PLEKHG1: variants seen among roughly 807,000 people sequenced by gnomAD.
PLEKHG1 encodes the protein pleckstrin homology and RhoGEF domain containing G1, also known as pleckstrin homology domain-containing family G member 1.
PLEKHG1 carries 44 observed loss-of-function variants against 100.8 expected under a neutral mutation model. That is an observed-to-expected ratio of 0.44 (90% CI 0.34 to 0.56). The LOEUF is 0.56. Among genes scored for constraint, PLEKHG1 ranks in the 20% least tolerant of loss-of-function variants. The pLI, the probability that PLEKHG1 is intolerant of heterozygous loss-of-function variation, is 0.01. For missense variants in PLEKHG1, 1,545 were observed against 1,720.9 expected, an observed-to-expected ratio of 0.90 and a Z score of 1.81; for synonymous variants, 640 against 662.5, an observed-to-expected ratio of 0.97 and a Z score of 0.52.
exon 16 of PLEKHG1, chr6:150,840,772 C>T: frequency 6.2e-7 from 1 of 1,614,128 alleles, no homozygotes; most frequent in Non-Finnish European, 8.5e-7. Context: ...CCATATCTGA[C>T]ACCATATAAT....
At chr6:150,677,295 C>CAA (rs1286921774) in intron 3 of PLEKHG1, among the ~76,000 whole-genome samples, 3 of 151,776 alleles carry the variant, frequency 2.0e-5, no homozygotes, top group Non-Finnish European at 4.4e-5. Flanking sequence ...TACACACACA[C>CAA]ACACACACGC....
intron 7 of PLEKHG1, among the ~76,000 whole-genome samples, chr6:150,807,968 CAAAAA>C (rs747824320): frequency 6.0e-4 from 90 of 151,018 alleles, no homozygotes; most frequent in African/African-American, 2.1e-3. Flanking sequence ...GACTCTGTCT[CAAAAA>C]AGAAAAAAGA....
intron 1 of PLEKHG1, among the ~76,000 whole-genome samples, chr6:150,628,873 A>T (rs1468681701): frequency 6.6e-6 from 1 of 152,218 alleles, no homozygotes; most frequent in Non-Finnish European, 1.5e-5. Flanking sequence ...ACATGCAAAG[A>T]TAATGAGGCT....
intron 4 of PLEKHG1, among the ~76,000 whole-genome samples, chr6:150,794,204 GAA>G (rs1467715144): frequency 6.6e-6 from 1 of 152,164 alleles, no homozygotes; most frequent in African/African-American, 2.4e-5. Flanking sequence ...ACTTAAAGAT[GAA>G]AAGAGACTAC....
chr6:150,766,637 T>C (rs763580822), intron 2 of PLEKHG1, among the ~76,000 whole-genome samples: 92 of 152,244 alleles, frequency 6.0e-4, no homozygotes, highest in Non-Finnish European at 6.5e-4. Flanking sequence ...TTTTAAAATT[T>C]AGTTTCTCTG....
chr6:150,838,979 G>A (rs1777373562), intron 15 of PLEKHG1, among the ~76,000 whole-genome samples: 1 of 152,156 alleles, frequency 6.6e-6, no homozygotes. Flanking sequence ...TGGCAGTGGA[G>A]GGCTGCCTGG....
intron 10 of PLEKHG1, among the ~76,000 whole-genome samples, chr6:150,811,802 G>A (rs777007692): frequency 1.2e-4 from 19 of 152,122 alleles, no homozygotes; most frequent in African/African-American, 1.9e-4. Flanking sequence ...ATCTGGACGC[G>A]TTCACACTGG....
rs369996098 is a variant in PLEKHG1, at chr6:150,619,149, A to AATTCAAATT, written c.-203-18931_-203-18930insATTCAAATT. Among the ~76,000 whole-genome samples, 791 of 152,320 alleles carry AATTCAAATT rather than the reference A, an allele frequency of 5.2e-3. 12 individuals carry two copies. Among genetic ancestry groups the AATTCAAATT allele is most frequent in the African/African-American group, 0.018 (754 of 41,576 alleles). On this transcript the variant is annotated intron_variant, in intron 1 of 3. Transcript: ENST00000367326. ...ACAGATCCTGGACAATTTGACTCAA[A>AATTCAAATT]TGATGGCCCTTTCTCAAAATTCAAC...
At chr6:150,620,487 G>T (rs1306935562) in intron 1 of PLEKHG1, among the ~76,000 whole-genome samples, 2 of 152,190 alleles carry the variant, frequency 1.3e-5, no homozygotes, top group African/African-American at 4.8e-5. Context: ...GAGGGGAAGG[G>T]CTCTATGTAA....
exon 16 of PLEKHG1, chr6:150,840,251 C>T (rs752528882): frequency 2.5e-6 from 4 of 1,614,028 alleles, no homozygotes; most frequent in Non-Finnish European, 2.5e-6. Context: ...GGAAAGGGAT[C>T]AGCGCTAAAT....
chr6:150,714,380 A>G (rs947031291), intron 3 of PLEKHG1, among the ~76,000 whole-genome samples: 2 of 152,250 alleles, frequency 1.3e-5, no homozygotes, highest in Admixed American at 6.5e-5. Flanking sequence ...TCACAGAAGC[A>G]GAAAAATGAA....
intron 3 of PLEKHG1, among the ~76,000 whole-genome samples, chr6:150,781,599 G>A (rs1456567857): frequency 6.6e-6 from 1 of 151,886 alleles, no homozygotes; most frequent in East Asian, 1.9e-4. Flanking sequence ...GCAGAGAGCT[G>A]AACTTTTTTT....
At chr6:150,701,466 T>TATATATATAAAA (rs1212311635) in intron 3 of PLEKHG1, among the ~76,000 whole-genome samples, 8 of 84,198 alleles carry the variant, frequency 9.5e-5, no homozygotes, top group African/African-American at 9.3e-4. Context: ...TATATATATA[T>TATATATATAAAA]AATTATACTT....
chr6:150,706,998 C>CTTTTTTTTTTTTTTTTTTTTT (rs71014517), intron 3 of PLEKHG1, among the ~76,000 whole-genome samples: 2 of 51,932 alleles, frequency 3.9e-5, no homozygotes, highest in African/African-American at 1.6e-4. Context: ...TTTTCTTTTT[C>CTTTTTTTTTTTTTTTTTTTTT]TTTTTTTTTT....
rs564793811 is a variant in PLEKHG1, at chr6:150,613,070, T to C, written c.-204+13053T>C. ...CTGTCTTGCTCTTTCTGATCTCATC[T>C]CCTGCTCCTCTCCTGATACTCACTC... On this transcript the variant is annotated intron_variant, in intron 1 of 3. Transcript: ENST00000367326. Among the ~76,000 whole-genome samples, 4 of 152,296 alleles carry C rather than the reference T, an allele frequency of 2.6e-5. No homozygotes were observed. The South Asian group carries it at 8.3e-4, about 32-fold the overall frequency.
chr6:150,688,617 G>A (rs1206722139), intron 3 of PLEKHG1, among the ~76,000 whole-genome samples: 1 of 152,142 alleles, frequency 6.6e-6, no homozygotes, highest in Non-Finnish European at 1.5e-5. Flanking sequence ...ACAGCCATAA[G>A]CCACCAAGCC....
In PLEKHG1 at chr6:150,739,013, G is replaced by A. The variant is rs115131262; in HGVS notation, c.411+4921G>A. Among the ~76,000 whole-genome samples the A allele has an allele frequency of 6.7e-3, 1,021 of 152,290 alleles. 16 individuals carry two copies. The highest frequency in any genetic ancestry group is 0.023 in the African/African-American group (955 of 41,558). ...GGGACCTTCGATTGACTGGGCACGGGCTGTCAGGGGTAGGGTGGGTGTCTT... is the reference window on the plus strand; with the variant it reads ...GGGACCTTCGATTGACTGGGCACGGACTGTCAGGGGTAGGGTGGGTGTCTT... On this transcript the variant is annotated intron_variant, in intron 2 of 15. Coordinates refer to ENST00000358517, the Ensembl canonical transcript of PLEKHG1.
chr6:150,600,268 C>T lies in PLEKHG1; in HGVS notation c.-204+251C>T, dbSNP rs907906131. The stretch of plus-strand genomic sequence containing the variant: ...GAGGGCGCTGGGGGGCGCCGCGTCT[C>T]GGGGGTCGGAGTCGGGTCGGGGATG... On this transcript the variant is annotated intron_variant, in intron 1 of 3. Transcript: ENST00000367326. This position sits in a 1 kb window ranked among gnomAD's most constrained non-coding sequence, Gnocchi z 6.2. 2.0e-5 allele frequency among the ~76,000 whole-genome samples: 3 copies of T among 151,030 alleles called. No individual in the cohort carries two copies. The highest frequency in any genetic ancestry group is 4.9e-5 in the African/African-American group (2 of 41,112).
At chr6:150,716,157 A>G (rs1459609200), upstream of PLEKHG1, among the ~76,000 whole-genome samples, 3 of 151,818 alleles carry the variant, frequency 2.0e-5, no homozygotes, top group African/African-American at 7.2e-5. Flanking sequence ...TTGTTCTTTC[A>G]AAGAAAAAAC....
Sources: allele counts gnomAD v4.1 joint callset (sites outside exome capture counted in the v4.1 genomes callset), GRCh38; gene constraint gnomAD v4.1.1; non-coding constraint Gnocchi (gnomAD v3.1); transcripts MANE v1.5; gene names NCBI Gene and HGNC (gene_info 2026-07-23, HGNC 2026-07-21).